GNAT3: variants seen among roughly 807,000 people sequenced by gnomAD.
GNAT3 encodes G protein subunit alpha transducin 3.
GNAT3 carries 31 observed loss-of-function variants against 37.7 expected under a neutral mutation model. The observed-to-expected ratio is 0.82, with a 90% confidence interval of 0.62 to 1.11. GNAT3 has a LOEUF of 1.11. Among genes scored for constraint, GNAT3 ranks in the 50% most tolerant of loss-of-function variants. GNAT3 has a pLI of 0.00. For missense variants in GNAT3, 437 were observed against 412.5 expected, an observed-to-expected ratio of 1.06 and a Z score of -0.51; for synonymous variants, 138 against 139.8, an observed-to-expected ratio of 0.99 and a Z score of 0.09.
chr7:80,470,231 T>TC, intron 5 of GNAT3, among the ~76,000 whole-genome samples: 1 of 152,212 alleles, frequency 6.6e-6, no homozygotes, highest in East Asian at 1.9e-4. Flanking sequence ...TTTTTTTTTT[T>TC]CTTTTTTTGA....
intron 1 of GNAT3, among the ~76,000 whole-genome samples, chr7:80,509,918 A>G (rs1791031785): frequency 6.6e-6 from 1 of 152,166 alleles, no homozygotes; most frequent in African/African-American, 2.4e-5. Context: ...TACAGTGTAG[A>G]ATGGTTAAAT....
chr7:80,481,795 G>C (rs1303549912), intron 3 of GNAT3, among the ~76,000 whole-genome samples: 1 of 151,982 alleles, frequency 6.6e-6, no homozygotes, highest in Non-Finnish European at 1.5e-5. Context: ...TAAGAACCTT[G>C]GTCTCCACAG....
chr7:80,507,206 T>C (rs1790963230), intron 1 of GNAT3, among the ~76,000 whole-genome samples: 1 of 151,970 alleles, frequency 6.6e-6, no homozygotes, highest in Non-Finnish European at 1.5e-5. Flanking sequence ...GCATGGACTA[T>C]GTTGGTGTAA....
At chr7:80,486,934 C>T (rs1790495389) in intron 3 of GNAT3, among the ~76,000 whole-genome samples, 1 of 152,026 alleles carries the variant, frequency 6.6e-6, no homozygotes, top group Non-Finnish European at 1.5e-5. Context: ...CAAATTTAAA[C>T]ATCATTAAAT....
intron 1 of GNAT3, 117 bp from the exon 2 acceptor site, chr7:80,494,764 G>T: frequency 1.6e-6 from 1 of 626,286 alleles, no homozygotes; most frequent in Non-Finnish European, 2.8e-6. Flanking sequence ...GGGGGTACAA[G>T]TGCAGTTTTG....
intron 1 of GNAT3, among the ~76,000 whole-genome samples, chr7:80,498,495 C>T (rs981589943): frequency 3.3e-5 from 5 of 152,060 alleles, no homozygotes; most frequent in Non-Finnish European, 5.9e-5. Context: ...AGGAAAATTC[C>T]TAAAGAAAAG....
chr7:80,497,566 G>GCA (rs1790742506), intron 1 of GNAT3, among the ~76,000 whole-genome samples: 1 of 136,658 alleles, frequency 7.3e-6, no homozygotes, highest in Non-Finnish European at 1.6e-5. Context: ...ATACATATAC[G>GCA]TATATACATA....
chr7:80,493,273 T>C (rs1406769613), intron 2 of GNAT3, among the ~76,000 whole-genome samples: 1 of 152,112 alleles, frequency 6.6e-6, no homozygotes, highest in Admixed American at 6.6e-5. Flanking sequence ...ATGTTATAAA[T>C]GAATGCCAGA....
chr7:80,504,006 T>C (rs1423288845), intron 1 of GNAT3, among the ~76,000 whole-genome samples: 1 of 152,136 alleles, frequency 6.6e-6, no homozygotes, highest in Non-Finnish European at 1.5e-5. Context: ...TTGAGGACTG[T>C]TTAGTTCAGA....
chr7:80,486,200 A>C (rs567078352), intron 3 of GNAT3, among the ~76,000 whole-genome samples: 4 of 152,308 alleles, frequency 2.6e-5, no homozygotes, highest in South Asian at 2.1e-4. Context: ...AGTGGAAATC[A>C]AAATATGAAC....
chr7:80,497,621 C>CGTATAT (rs1790752293), intron 1 of GNAT3, among the ~76,000 whole-genome samples: 6 of 114,686 alleles, frequency 5.2e-5, no homozygotes, highest in African/African-American at 9.3e-5. Flanking sequence ...TATACATATA[C>CGTATAT]GTATATACAT....
chr7:80,463,984 A>G (rs1357518384), intron 5 of GNAT3, among the ~76,000 whole-genome samples: 2 of 151,712 alleles, frequency 1.3e-5, no homozygotes, highest in Admixed American at 1.3e-4. Context: ...ATAATTATCA[A>G]TTTATCCACT....
At chr7:80,473,222 T>C (rs1562722429) in intron 5 of GNAT3, among the ~76,000 whole-genome samples, 1 of 152,320 alleles carries the variant, frequency 6.6e-6, no homozygotes, top group East Asian at 1.9e-4. Context: ...TTGGCTCATC[T>C]TTCAGAAAAT....
At chr7:80,509,916 A>C (rs1285969122) in intron 1 of GNAT3, among the ~76,000 whole-genome samples, 1 of 152,156 alleles carries the variant, frequency 6.6e-6, no homozygotes, top group Non-Finnish European at 1.5e-5. Context: ...AATACAGTGT[A>C]GAATGGTTAA....
chr7:80,499,037 C>A (rs1253152375), intron 1 of GNAT3, among the ~76,000 whole-genome samples: 1 of 152,002 alleles, frequency 6.6e-6, no homozygotes, highest in Non-Finnish European at 1.5e-5. Context: ...TTCAAACAGG[C>A]AAAATGAGAT....
chr7:80,494,469 A>G (rs1200975583), intron 2 of GNAT3, 136 bp downstream of exon 2: 4 of 553,032 alleles, frequency 7.2e-6, no homozygotes, highest in African/African-American at 1.9e-5. Flanking sequence ...ATATTTGCAC[A>G]GGAACTATGA....
At chr7:80,477,844 A>T (rs1171595359) in intron 4 of GNAT3, among the ~76,000 whole-genome samples, 1 of 152,218 alleles carries the variant, frequency 6.6e-6, no homozygotes, top group East Asian at 1.9e-4. Flanking sequence ...GATTGTATTT[A>T]CATATGCACA....
chr7:80,474,356 A>T lies in GNAT3; in HGVS notation c.485T>A (p.Ile162Lys). The change falls in exon 5 of 8, where the codon ATA (isoleucine) becomes AAA (lysine). Residue 162 changes from isoleucine to lysine, a missense_variant. Transcript: ENST00000398291. ...AAYYLNDLDRITASGYVPNEQ... is the reference protein window; with the variant it reads ...AAYYLNDLDRKTASGYVPNEQ... The stretch of plus-strand genomic sequence containing the variant: ...ATTTGGCACATACCCAGATGCTGTT[A>T]TTCTATCTAAATCATTAAGGTAGCT... 1 of 1,548,916 alleles carries T rather than the reference A, an allele frequency of 6.5e-7. No homozygotes were observed. Among genetic ancestry groups the T allele is most frequent in the Non-Finnish European group, 8.8e-7 (1 of 1,142,770 alleles).
At chr7:80,466,947 T>G (rs960653503) in intron 5 of GNAT3, among the ~76,000 whole-genome samples, 7 of 152,176 alleles carry the variant, frequency 4.6e-5, no homozygotes, top group Non-Finnish European at 1.5e-5. Context: ...TGGAATTGTG[T>G]GCTCTCCCTG....
Sources: allele counts gnomAD v4.1 joint callset (sites outside exome capture counted in the v4.1 genomes callset), GRCh38; gene constraint gnomAD v4.1.1; transcripts MANE v1.5; gene names NCBI Gene and HGNC (gene_info 2026-07-23, HGNC 2026-07-21).